The following ZNF609 variants were observed in gnomAD, a reference collection of about 807,000 sequenced individuals.
ZNF609 encodes zinc finger protein 609.
A neutral mutation model predicts 109.5 loss-of-function variants in ZNF609; 11 were observed. The ratio of observed to expected loss-of-function variants is 0.10; its 90% confidence interval spans 0.06 to 0.17. The LOEUF (loss-of-function observed/expected upper bound fraction) is 0.17. Among genes scored for constraint, ZNF609 ranks in the 10% least tolerant of loss-of-function variants. The pLI is 1.00. For missense variants in ZNF609, 1,559 were observed against 1,772.4 expected (o/e 0.88, Z 2.16); for synonymous variants, 646 against 662.0 (o/e 0.98, Z 0.37).
At chr15:64,582,428 C>T (rs1160406702) in intron 2 of ZNF609, among the ~76,000 whole-genome samples, 2 of 152,240 alleles carry the variant, frequency 1.3e-5, no homozygotes, top group East Asian at 3.8e-4. Flanking sequence ...AATCTCTGCT[C>T]CGTCAATCCT....
At chr15:64,469,944 A>C (rs2140329507) in intron 1 of ZNF609, among the ~76,000 whole-genome samples, 1 of 152,310 alleles carries the variant, frequency 6.6e-6, no homozygotes, top group South Asian at 2.1e-4. Flanking sequence ...ATAATCTATT[A>C]TATCTGAAAT....
At chr15:64,654,881 G>A (rs1896467214) in intron 3 of ZNF609, among the ~76,000 whole-genome samples, 1 of 151,738 alleles carries the variant, frequency 6.6e-6, no homozygotes, top group Admixed American at 6.6e-5. Flanking sequence ...TGGATCACGA[G>A]GTCAGGAGAT....
At chr15:64,582,729 TTTTTTTTTTGAGA>T in intron 2 of ZNF609, among the ~76,000 whole-genome samples, 1 of 133,042 alleles carries the variant, frequency 7.5e-6, no homozygotes, top group African/African-American at 3.1e-5. Context: ...TTTTCTTTTT[TTTTTTTTTTGAGA>T]CAGAGTCTTT....
At chr15:64,625,027 G>A (rs551422100) in intron 3 of ZNF609, among the ~76,000 whole-genome samples, 1 of 152,012 alleles carries the variant, frequency 6.6e-6, no homozygotes, top group South Asian at 2.1e-4. Context: ...CAAAGTGCTG[G>A]GATTACAGGT....
chr15:64,483,550 C>A (rs1170293062), intron 1 of ZNF609, among the ~76,000 whole-genome samples: 1 of 152,100 alleles, frequency 6.6e-6, no homozygotes, highest in African/African-American at 2.4e-5. Context: ...CCACGCCTGG[C>A]TACATTTCTT....
At chr15:64,627,469 G>A (rs1021852446) in intron 3 of ZNF609, among the ~76,000 whole-genome samples, 23 of 152,090 alleles carry the variant, frequency 1.5e-4, no homozygotes, top group Non-Finnish European at 2.9e-4. Flanking sequence ...TTTGGCAAAT[G>A]TGCTTTATGG....
At chr15:64,528,878 G>A (rs1287936706) in intron 2 of ZNF609, 2 of 977,900 alleles carry the variant, frequency 2.0e-6, no homozygotes, top group African/African-American at 1.6e-5. Context: ...GGGGCCCTCC[G>A]ATGCCTACTT....
At chr15:64,612,250 C>T (rs1404598518) in intron 2 of ZNF609, among the ~76,000 whole-genome samples, 2 of 151,080 alleles carry the variant, frequency 1.3e-5, no homozygotes, top group Non-Finnish European at 2.9e-5. Flanking sequence ...CAGGTTCACG[C>T]CATTCTCCTG....
At chr15:64,524,068 C>CT (rs575353889) in intron 2 of ZNF609, among the ~76,000 whole-genome samples, 5,027 of 134,404 alleles carry the variant, frequency 0.037, 143 homozygotes, top group Non-Finnish European at 0.056. Context: ...TTCATGTTTT[C>CT]TTTTTTTTTT....
rs566777128 is a variant in ZNF609 at position 64,469,322 on chromosome 15, G to C, written c.-128+8484G>C. ...CACTGTGGTCCCAGCTCTTCAGGAA[G>C]CAGAGATGGGAGGATCGCTTGAGCC... On this transcript the variant is annotated intron_variant, in intron 1 of 9. Transcript: ENST00000326648. 2.0e-5 allele frequency among the ~76,000 whole-genome samples: 3 copies of C among 150,928 alleles called. No homozygotes were observed. In the South Asian group the frequency reaches 6.3e-4, roughly 32 times the overall value.
intron 3 of ZNF609, among the ~76,000 whole-genome samples, chr15:64,659,831 CTTTCT>C (rs1208938598): frequency 6.9e-6 from 1 of 145,876 alleles, no homozygotes; most frequent in African/African-American, 2.6e-5. Flanking sequence ...ATTTTTCTTT[CTTTCT>C]TTTTTTTTTT....
intron 1 of ZNF609, among the ~76,000 whole-genome samples, chr15:64,465,471 T>C (rs1380365382): frequency 6.6e-6 from 1 of 152,116 alleles, no homozygotes; most frequent in East Asian, 1.9e-4. Context: ...AACCTCTGCC[T>C]CCCAGGTTCA....
rs1896771381 is a variant in ZNF609 at position 64,673,974 on chromosome 15, C to G, written c.1120C>G (p.Arg374Gly). 1 of 1,614,058 alleles carries G rather than the reference C, an allele frequency of 6.2e-7. No homozygotes were observed. The highest frequency in any genetic ancestry group is 1.3e-5 in the African/African-American group (1 of 74,906). The change falls in exon 5 of 10, where the codon CGC becomes GGC. Residue 374 changes from arginine (R) to glycine (G), a missense_variant. Arg to Gly is a moderately radical substitution (Grantham distance 125, BLOSUM62 -2). Around this residue, in one of 4 missense-constraint regions of ZNF609, gnomAD observed 1,204 missense variants for 1,314.1 expected, o/e 0.92. Transcript: ENST00000326648. ...EMRNGRGRGK[R>G]MRPNSNTPVN... is the part of the protein sequence containing the mutation. ...GCGCAATGGCCGGGGTAGAGGCAAA[C>G]GCATGCGTCCCAACAGTAATACACC...
chr15:64,555,083 A>G (rs1894556123), intron 2 of ZNF609, among the ~76,000 whole-genome samples: 2 of 142,188 alleles, frequency 1.4e-5, no homozygotes, highest in Admixed American at 1.5e-4. Flanking sequence ...GCAACAGAAC[A>G]AGACACCATC....
At position 64,499,198 on chromosome 15, in the gene ZNF609, C is replaced by T. The variant is rs564468034; in HGVS notation, c.-127-95C>T. 3 of 532,758 alleles carry T rather than the reference C, an allele frequency of 5.6e-6. No individual in the cohort carries two copies. The Admixed American group carries it at 1.0e-4, about 18-fold the overall frequency. 33.0% of individuals were successfully genotyped at this position (532,758 alleles called of 1,614,324 possible). A position where few individuals can be genotyped will look rare whatever the true frequency, so the allele number is the denominator to read the frequency against. ...TCATGTCTGTTGTGATATGATAGCC[C>T]CATAGGAAGGGTCTGTTTTTGTGTG... On this transcript the variant is annotated intron_variant, in intron 1 of 9. Coordinates refer to ENST00000326648, the MANE Select transcript of ZNF609 (RefSeq NM_015042.2).
intron 1 of ZNF609, among the ~76,000 whole-genome samples, chr15:64,469,500 CT>C (rs1309775214): frequency 2.3e-3 from 308 of 131,212 alleles, no homozygotes; most frequent in African/African-American, 3.0e-3. Flanking sequence ...AAGTGAGCAT[CT>C]TTTTTTTTTT....
intron 2 of ZNF609, among the ~76,000 whole-genome samples, chr15:64,609,073 T>C (rs1213451770): frequency 3.1e-5 from 1 of 32,296 alleles, no homozygotes; most frequent in Non-Finnish European, 8.2e-5. Flanking sequence ...TTTTTCTTTC[T>C]TTCTTTCTTT....
rs192815155 is a variant in ZNF609, at chr15:64,576,968, A to G, written c.748-45859A>G. Among the ~76,000 whole-genome samples, 283 of 139,476 alleles carry G rather than the reference A, an allele frequency of 2.0e-3. 1 individual carries two copies. The highest frequency in any genetic ancestry group is 7.3e-3 in the African/African-American group (271 of 36,936). The allele number at this position is 139,476 out of a possible 152,430, so 91.5% of individuals were successfully genotyped here. On this transcript the variant is annotated intron_variant, in intron 2 of 9. Transcript: ENST00000326648. ...TATATACATATATGTATATATACAC[A>G]TAAATATATATATGTATGTATACAC...
At chr15:64,586,569 A>G (rs1020014050) in intron 2 of ZNF609, among the ~76,000 whole-genome samples, 4 of 152,166 alleles carry the variant, frequency 2.6e-5, no homozygotes, top group Admixed American at 2.0e-4. Flanking sequence ...GACCTAAGTC[A>G]TGCGTTCCTT....
Sources: allele counts gnomAD v4.1 joint callset (sites outside exome capture counted in the v4.1 genomes callset), GRCh38; gene constraint gnomAD v4.1.1; regional missense constraint gnomAD v4.1.1; transcripts MANE v1.5; gene names NCBI Gene and HGNC (gene_info 2026-07-23, HGNC 2026-07-21).